Variants in HS3ST3A1 observed in about 807,000 individuals in gnomAD.
HS3ST3A1 encodes the protein heparan sulfate-glucosamine 3-sulfotransferase 3A1.
HS3ST3A1 carries 19 observed loss-of-function variants against 25.7 expected under a neutral mutation model. That is an observed-to-expected ratio of 0.74 (90% CI 0.52 to 1.08). The LOEUF (loss-of-function observed/expected upper bound fraction) is 1.08, where lower values mean the gene tolerates loss of function less well. HS3ST3A1 is among the 50% of genes least tolerant of loss of function. HS3ST3A1 has a pLI of 0.00. For synonymous variants in HS3ST3A1, 226 were observed against 278.6 expected (o/e 0.81, Z 1.88); for missense variants, 459 against 594.3 (o/e 0.77, Z 2.37).
intron 1 of HS3ST3A1, among the ~76,000 whole-genome samples, chr17:13,553,772 T>A (rs1907301642): frequency 6.6e-6 from 1 of 152,226 alleles, no homozygotes; most frequent in South Asian, 2.1e-4. Context: ...AATACCTTTT[T>A]TTAAGCTCAT....
chr17:13,575,899 C>A (rs1287692665), intron 1 of HS3ST3A1, among the ~76,000 whole-genome samples: 1 of 152,232 alleles, frequency 6.6e-6, no homozygotes, highest in Non-Finnish European at 1.5e-5. Flanking sequence ...CACGGCAAGT[C>A]TTTCTGGAAA....
intron 1 of HS3ST3A1, among the ~76,000 whole-genome samples, chr17:13,531,928 G>C (rs997483011): frequency 6.6e-6 from 1 of 152,100 alleles, no homozygotes; most frequent in Non-Finnish European, 1.5e-5. Context: ...TTTACTAATT[G>C]TCTGAGTTAA....
chr17:13,513,062 C>T (rs35674068), intron 1 of HS3ST3A1, among the ~76,000 whole-genome samples: 16,562 of 152,142 alleles, frequency 0.11, 1,063 homozygotes, highest in Non-Finnish European at 0.15. Flanking sequence ...ATAGGGTATG[C>T]GGGCCTTCAT....
intron 1 of HS3ST3A1, among the ~76,000 whole-genome samples, chr17:13,513,650 C>T (rs372492336): frequency 2.6e-5 from 4 of 152,304 alleles, no homozygotes; most frequent in African/African-American, 9.6e-5. Context: ...AATAGAAACA[C>T]CATTCTTGTC....
chr17:13,500,850 T>TAA (rs751850622), intron 1 of HS3ST3A1, among the ~76,000 whole-genome samples: 1 of 152,148 alleles, frequency 6.6e-6, no homozygotes, highest in African/African-American at 2.4e-5. Context: ...GAATTCACAA[T>TAA]AGCCAAAGAG....
At chr17:13,599,598 A>T (rs765278394) in intron 1 of HS3ST3A1, among the ~76,000 whole-genome samples, 22 of 152,224 alleles carry the variant, frequency 1.4e-4, no homozygotes, top group Non-Finnish European at 2.5e-4. Context: ...AGAAAAAAAA[A>T]GCCAATATAT....
intron 1 of HS3ST3A1, among the ~76,000 whole-genome samples, chr17:13,505,384 T>C (rs1905629820): frequency 6.6e-6 from 1 of 152,102 alleles, no homozygotes; most frequent in South Asian, 2.1e-4. Flanking sequence ...CTGTATGAAA[T>C]TAGACCAAAA....
intron 1 of HS3ST3A1, among the ~76,000 whole-genome samples, chr17:13,514,389 T>A: frequency 6.6e-6 from 1 of 152,316 alleles, no homozygotes; most frequent in East Asian, 1.9e-4. Flanking sequence ...ATTTTATTTA[T>A]TTTTAAATTC....
chr17:13,505,054 T>C (rs1373587104), intron 1 of HS3ST3A1, among the ~76,000 whole-genome samples: 1 of 152,224 alleles, frequency 6.6e-6, no homozygotes, highest in African/African-American at 2.4e-5. Context: ...TTCCCTAATT[T>C]TTCTGACAAG....
At chr17:13,515,184 C>T (rs777627588) in intron 1 of HS3ST3A1, among the ~76,000 whole-genome samples, 81 of 152,148 alleles carry the variant, frequency 5.3e-4, no homozygotes, top group Non-Finnish European at 8.5e-4. Flanking sequence ...TTTTCTGAGA[C>T]GAGTTTCCCT....
At chr17:13,553,394 G>A (rs1000257396) in intron 1 of HS3ST3A1, among the ~76,000 whole-genome samples, 7 of 152,156 alleles carry the variant, frequency 4.6e-5, no homozygotes, top group Non-Finnish European at 8.8e-5. Flanking sequence ...AATGGTTTAA[G>A]CCAGAAGCCA....
rs1043623805 is a variant in HS3ST3A1 at position 13,496,881 on chromosome 17, T to C, written c.600-63A>G. 17 of 1,563,674 alleles carry C rather than the reference T, an allele frequency of 1.1e-5. No homozygotes were observed. In the African/African-American group the frequency reaches 2.0e-4, roughly 19 times the overall value. On this transcript the variant is annotated intron_variant, in intron 1 of 1. Coordinates refer to ENST00000284110, the MANE Select transcript of HS3ST3A1 (RefSeq NM_006042.3). ...GAGAGCTCAGTCCCAGGAGAGACTG[T>C]CAAGTACACGCTGGAGCCAGGCCGC...
At chr17:13,561,295 C>T (rs1032742418) in intron 1 of HS3ST3A1, among the ~76,000 whole-genome samples, 1 of 152,058 alleles carries the variant, frequency 6.6e-6, no homozygotes, top group Non-Finnish European at 1.5e-5. Context: ...AGTCTCTTGC[C>T]TTAGGAAGTG....
chr17:13,517,458 A>T (rs1458120171), intron 1 of HS3ST3A1, among the ~76,000 whole-genome samples: 1 of 152,178 alleles, frequency 6.6e-6, no homozygotes, highest in Admixed American at 6.5e-5. Flanking sequence ...CAGAAGGAGT[A>T]CTGAATCTGC....
At chr17:13,548,131 A>G (rs1329379461) in intron 1 of HS3ST3A1, among the ~76,000 whole-genome samples, 13 of 152,120 alleles carry the variant, frequency 8.5e-5, no homozygotes, top group Non-Finnish European at 1.6e-4. Context: ...AAATTGTTAC[A>G]GTTACTTTGG....
intron 1 of HS3ST3A1, among the ~76,000 whole-genome samples, chr17:13,549,615 T>C (rs547388062): frequency 6.6e-6 from 1 of 152,142 alleles, no homozygotes; most frequent in Non-Finnish European, 1.5e-5. Flanking sequence ...AGTCCACTCA[T>C]CCTCTTCTGA....
intron 1 of HS3ST3A1, among the ~76,000 whole-genome samples, chr17:13,594,698 G>T (rs779237096): frequency 2.1e-4 from 32 of 151,020 alleles, no homozygotes; most frequent in Admixed American, 5.9e-4. Flanking sequence ...TCAGTTTATT[G>T]TGAAGCCAAA....
Position 13,600,675 on chromosome 17 carries a change from A to C in HS3ST3A1, c.455T>G (p.Leu152Arg), listed in dbSNP as rs754285700. ...ALLLDEGSKQ[L>R]PQAIIIGVKK... ...CACTCCGATGATGATGGCCTGCGGC[A>C]GCTGCTTGCTGCCTTCGTCCAGGAG... Residue 152 changes from leucine (L) to arginine (R), a missense_variant, in exon 1 of 2, where the codon CTG (leucine) becomes CGG (arginine). By Grantham distance (102) the Leu-to-Arg change is moderately radical (BLOSUM62 -2). Transcript: ENST00000284110. The C allele has an allele frequency of 2.8e-5, 44 of 1,586,782 alleles. No homozygotes were observed. The highest frequency in any genetic ancestry group is 3.5e-5 in the Non-Finnish European group (41 of 1,172,994).
rs550243202 is a variant in HS3ST3A1, at chr17:13,512,191, G to C, written c.600-15373C>G. 1.1e-4 allele frequency among the ~76,000 whole-genome samples: 16 copies of C among 151,836 alleles called. No individual in the cohort carries two copies. The East Asian group carries it at 2.9e-3, about 28-fold the overall frequency. On this transcript the variant is annotated intron_variant, in intron 1 of 1. Transcript: ENST00000284110. ...GCGGGCGCCTGTAGTCCCAGCTACT[G>C]GGGAGGCTGAGGCAGGAGAATGGCG...
Sources: allele counts gnomAD v4.1 joint callset (sites outside exome capture counted in the v4.1 genomes callset), GRCh38; gene constraint gnomAD v4.1.1; transcripts MANE v1.5; gene names NCBI Gene and HGNC (gene_info 2026-07-23, HGNC 2026-07-21).